The following FBP1 variants were observed in gnomAD, a reference collection of about 807,000 sequenced individuals.
FBP1 encodes the protein fructose-1,6-bisphosphatase 1.
Under a neutral mutation model 29.9 loss-of-function variants are expected in FBP1, and 22 were observed. The observed-to-expected ratio is 0.74, with a 90% CI of 0.53 to 1.05. FBP1 has a LOEUF of 1.05. Ranked by LOEUF, FBP1 falls within the 50% of genes least tolerant of loss-of-function variation. FBP1 has a pLI of 0.00. For missense variants in FBP1, 345 were observed against 448.2 expected (o/e 0.77, Z 2.08); for synonymous variants, 175 against 178.6 (o/e 0.98, Z 0.16).
chr9:94,617,452 A>T (rs1429820423), intron 3 of FBP1, among the ~76,000 whole-genome samples: 2 of 152,252 alleles, frequency 1.3e-5, no homozygotes, highest in East Asian at 1.9e-4. Flanking sequence ...CTGAGTTCAC[A>T]TCGTATCATC....
rs1437601450 is a variant in FBP1 at position 94,621,408 on chromosome 9, T to TA, written c.171-918_171-917insT. On this transcript the variant is annotated intron_variant, in intron 1 of 6. Coordinates refer to ENST00000375326, the MANE Select transcript of FBP1 (RefSeq NM_000507.4). Reference sequence around the variant, plus strand: ...AAGATTCCGTCTAAAAATATATATATTTTTAGAAGAAAGGAAGGAGGACAT... The same window carrying TA: ...AAGATTCCGTCTAAAAATATATATATATTTTAGAAGAAAGGAAGGAGGACAT... Among the ~76,000 whole-genome samples the TA allele has an allele frequency of 2.1e-4, 30 of 141,714 alleles. 3 individuals carry two copies. The highest frequency in any genetic ancestry group is 8.6e-4 in the African/African-American group (28 of 32,578). The allele number at this position is 141,714 out of a possible 152,430, so 93.0% of individuals were successfully genotyped here.
At chr9:94,612,780 C>T (rs910826318) in intron 3 of FBP1, among the ~76,000 whole-genome samples, 4 of 151,908 alleles carry the variant, frequency 2.6e-5, no homozygotes, top group Non-Finnish European at 4.4e-5. Flanking sequence ...AAGATGGTCT[C>T]GAACTCTGGA....
In FBP1 at chr9:94,608,274, G is replaced by A. The variant is rs28369746; in HGVS notation, c.568-1322C>T. Among the ~76,000 whole-genome samples, 12 of 152,318 alleles carry A rather than the reference G, an allele frequency of 7.9e-5. No individual in the cohort carries two copies. The East Asian group carries it at 2.1e-3, about 27-fold the overall frequency. ...AGGAAGCACTTAGCACCTCCCTGGC[G>A]GGAGGCTCAGCCCCGTCAGGCACCG... On this transcript the variant is annotated intron_variant, in intron 4 of 6. Coordinates refer to ENST00000375326, the MANE Select transcript of FBP1 (RefSeq NM_000507.4).
intron 1 of FBP1, among the ~76,000 whole-genome samples, chr9:94,621,184 A>G: frequency 7.3e-6 from 1 of 137,026 alleles, no homozygotes; most frequent in Non-Finnish European, 1.5e-5. Flanking sequence ...ACTGCATGCC[A>G]GCCTGGGCGA....
In FBP1 at chr9:94,606,939, A is replaced by G. The variant is rs121918191; in HGVS notation, c.581T>C (p.Phe194Ser). 1 of 1,614,144 alleles carries G rather than the reference A, an allele frequency of 6.2e-7. No homozygotes were observed. The highest frequency in any genetic ancestry group is 2.2e-5 in the East Asian group (1 of 44,880). ...CFMLDPAIGEFILVDKDVKIK... is the reference protein window; with the variant it reads ...CFMLDPAIGESILVDKDVKIK... ...CTTCACATCCTTGTCCACCAAAATG[A>G]ACTCCCCGATGGCCTTTTTAGACAA... is the stretch of plus-strand genomic sequence containing the variant. The change falls in exon 5 of 7, where the codon TTC (phenylalanine) becomes TCC (serine). Residue 194 changes from phenylalanine (F) to serine (S), a missense_variant. Phe to Ser is a radical substitution (Grantham distance 155). Coordinates refer to ENST00000375326, the MANE Select transcript of FBP1 (RefSeq NM_000507.4).
intron 1 of FBP1, among the ~76,000 whole-genome samples, chr9:94,627,169 C>CA (rs1828038039): frequency 7.6e-6 from 1 of 131,250 alleles, no homozygotes; most frequent in African/African-American, 2.9e-5. Flanking sequence ...GCCTGGGCAA[C>CA]AAGAGTGAAA....
At chr9:94,623,106 T>C (rs1364881505) in intron 1 of FBP1, among the ~76,000 whole-genome samples, 1 of 152,122 alleles carries the variant, frequency 6.6e-6, no homozygotes, top group East Asian at 1.9e-4. Flanking sequence ...TGCCTCACCC[T>C]CCTGAGTAGC....
At chr9:94,628,528 A>C (rs2051083436) in intron 1 of FBP1, among the ~76,000 whole-genome samples, 1 of 152,206 alleles carries the variant, frequency 6.6e-6, no homozygotes, top group Non-Finnish European at 1.5e-5. Context: ...GCAGGCAGCA[A>C]ACAAGAGAAC....
intron 4 of FBP1, among the ~76,000 whole-genome samples, chr9:94,609,522 C>T (rs28369733): frequency 2.1e-4 from 32 of 152,182 alleles, no homozygotes; most frequent in African/African-American, 7.5e-4. Flanking sequence ...CTTGGCAAGG[C>T]GGGCCCCCTC....
chr9:94,626,847 A>T (rs1297519099), intron 1 of FBP1, among the ~76,000 whole-genome samples: 1 of 152,186 alleles, frequency 6.6e-6, no homozygotes. Context: ...GAGGTTCAGG[A>T]TTTCGAGACC....
At chr9:94,622,159 C>T (rs1275344186) in intron 1 of FBP1, among the ~76,000 whole-genome samples, 10 of 152,198 alleles carry the variant, frequency 6.6e-5, no homozygotes, top group African/African-American at 2.2e-4. Context: ...TTATAGAATT[C>T]CCAGAATCCA....
chr9:94,620,861 A>G (rs2131490086), intron 1 of FBP1, among the ~76,000 whole-genome samples: 1 of 152,294 alleles, frequency 6.6e-6, no homozygotes, highest in East Asian at 1.9e-4. Context: ...GTTTATACCT[A>G]TGTAACAAAC....
chr9:94,615,671 G>GATCT (rs1827851643), intron 3 of FBP1, among the ~76,000 whole-genome samples: 1 of 152,064 alleles, frequency 6.6e-6, no homozygotes, highest in Non-Finnish European at 1.5e-5. Context: ...TTGTGATGTG[G>GATCT]ATCTGCCTCT....
In FBP1 at chr9:94,609,063, G is replaced by C. The variant is rs528028190; in HGVS notation, c.567+858C>G. 6.1e-4 allele frequency among the ~76,000 whole-genome samples: 93 copies of C among 152,034 alleles called. 1 individual carries two copies. The highest frequency in any genetic ancestry group is 1.2e-3 in the Non-Finnish European group (82 of 67,970). On this transcript the variant is annotated intron_variant, in intron 4 of 6. Transcript: ENST00000375326. ...TAAAAATACAAGTGTGGTGGCAGGC[G>C]CCTGTAGTCCCAGCTACTCAGGAGC...
chr9:94,611,977 C>T (rs538343643), intron 3 of FBP1, among the ~76,000 whole-genome samples: 2 of 152,306 alleles, frequency 1.3e-5, no homozygotes, highest in East Asian at 1.9e-4. Flanking sequence ...CTTCCCTGCC[C>T]CTCCTAGTTT....
intron 3 of FBP1, among the ~76,000 whole-genome samples, chr9:94,612,939 G>C (rs1369171983): frequency 6.6e-6 from 1 of 152,124 alleles, no homozygotes; most frequent in Non-Finnish European, 1.5e-5. Context: ...CAATGAGCAC[G>C]GAGCACTTGG....
intron 1 of FBP1, among the ~76,000 whole-genome samples, chr9:94,637,399 CT>C (rs202217364): frequency 0.01 from 1,476 of 142,696 alleles, 9 homozygotes; most frequent in Admixed American, 0.016. Context: ...CATCATGCGT[CT>C]TTTTTTTTTT....
At chr9:94,624,979 C>T (rs1474158416) in intron 1 of FBP1, among the ~76,000 whole-genome samples, 2 of 152,040 alleles carry the variant, frequency 1.3e-5, no homozygotes, top group Non-Finnish European at 2.9e-5. Context: ...CCCCACCACC[C>T]AGAGACAGAC....
Position 94,618,155 on chromosome 9 carries a change from T to C in FBP1, c.334-295A>G, listed in dbSNP as rs527966940. Among the ~76,000 whole-genome samples, 169 of 152,244 alleles carry C rather than the reference T, an allele frequency of 1.1e-3. 2 individuals carry two copies. Among genetic ancestry groups the C allele is most frequent in the African/African-American group, 3.9e-3 (161 of 41,542 alleles). On this transcript the variant is annotated intron_variant, in intron 2 of 6. Transcript: ENST00000375326. ...GATATAATCAAATCATAATTTTGCATTGAGTTTCCTGGCAGCCAAAGGAAA... is the reference window on the plus strand; with the variant it reads ...GATATAATCAAATCATAATTTTGCACTGAGTTTCCTGGCAGCCAAAGGAAA...
Sources: gnomAD v4.1 joint callset for allele counts (sites outside exome capture counted in the v4.1 genomes callset) on GRCh38, gnomAD v4.1.1 for gene constraint, MANE v1.5 for transcripts, NCBI Gene and HGNC (gene_info 2026-07-23, HGNC 2026-07-21) for gene names.